USH2A: variants seen among roughly 807,000 people sequenced by gnomAD.
USH2A encodes the protein usherin.
In USH2A, 443 loss-of-function variants were observed where a neutral mutation model predicts 538.9. That is an observed-to-expected ratio of 0.82 (90% CI 0.76 to 0.89). The LOEUF (loss-of-function observed/expected upper bound fraction) is 0.89, where lower values mean the gene tolerates loss of function less well. Ranked by LOEUF, USH2A falls within the 40% of genes least tolerant of loss-of-function variation. The pLI is 0.00. For missense variants in USH2A, 6,633 were observed against 6,324.8 expected, an observed-to-expected ratio of 1.05 and a Z score of -1.65; for synonymous variants, 2,413 against 2,273.5, an observed-to-expected ratio of 1.06 and a Z score of -1.75.
chr1:215,675,603 A>T lies in USH2A; in HGVS notation c.12308T>A (p.Phe4103Tyr). ...AGAGTACTCCAGGAACCCGTCACTG[A>T]AGATGTTGTATGTCTACAGAAGGAC... ...TNGVIKTYNI[F>Y]SDGFLEYSGL... Residue 4103 changes from phenylalanine (F) to tyrosine (Y), a missense_variant, in exon 63 of 72, where the codon TTC becomes TAC. By Grantham distance (22) the Phe-to-Tyr change is conservative. Coordinates refer to ENST00000307340, the MANE Select transcript of USH2A (RefSeq NM_206933.4). 6.2e-7 allele frequency: 1 copy of T among 1,614,164 alleles called. No individual in the cohort carries two copies. The highest frequency in any genetic ancestry group is 8.5e-7 in the Non-Finnish European group (1 of 1,180,018).
At chr1:215,817,465 G>A (rs1447342001) in intron 47 of USH2A, among the ~76,000 whole-genome samples, 11 of 151,834 alleles carry the variant, frequency 7.2e-5, no homozygotes, top group Non-Finnish European at 1.2e-4. Flanking sequence ...CATTTTGTTT[G>A]GTAAGCAAAG....
At position 215,970,658 on chromosome 1, in the gene USH2A, T is replaced by C. The variant is rs148504065; in HGVS notation, c.6924A>G (p.Ala2308=). Residue 2308 remains alanine (A), a synonymous_variant, in exon 36 of 72, where the codon GCA becomes GCG. Coordinates refer to ENST00000307340, the MANE Select transcript of USH2A (RefSeq NM_206933.4). Reference sequence around the variant, plus strand: ...CCAGAGCACAACCTTTGGCCGTGCATGCTTGGACTCTGAAGGAATGTAAAC... The same window carrying C: ...CCAGAGCACAACCTTTGGCCGTGCACGCTTGGACTCTGAAGGAATGTAAAC... ...PWSLHSFRVQ[A]CTAKGCALGP... 166 of 1,613,682 alleles carry C rather than the reference T, an allele frequency of 1.0e-4. 3 individuals carry two copies. The Admixed American group carries it at 1.4e-3, about 13-fold the overall frequency.
intron 19 of USH2A, among the ~76,000 whole-genome samples, chr1:216,191,546 C>T (rs1029763929): frequency 8.6e-5 from 13 of 151,876 alleles, no homozygotes; most frequent in African/African-American, 2.9e-4. Flanking sequence ...CTTGCAATTA[C>T]ATTTTGAAAT....
In USH2A at chr1:215,779,823, C is replaced by CGT. The variant is rs1553261079; in HGVS notation, c.10939+19_10939+20insAC. On this transcript the variant is annotated intron_variant, in intron 55 of 71. Coordinates refer to ENST00000307340, the MANE Select transcript of USH2A (RefSeq NM_206933.4). ...TGACAGACTCCTCCAGTAGGATTTC[C>CGT]TTTTTTTTTGTTTTCTCACCTGTGA... The CGT allele has an allele frequency of 1.9e-5, 31 of 1,601,722 alleles. No individual in the cohort carries two copies. Among genetic ancestry groups the CGT allele is most frequent in the Non-Finnish European group, 2.6e-5 (31 of 1,171,986 alleles).
intron 32 of USH2A, among the ~76,000 whole-genome samples, chr1:216,043,213 T>G (rs2102521988): frequency 6.6e-6 from 1 of 152,216 alleles, no homozygotes; most frequent in South Asian, 2.1e-4. Flanking sequence ...TTCCTCTGAT[T>G]ACTGACTAGA....
chr1:215,648,684 G>C lies in USH2A; in HGVS notation c.14426C>G (p.Thr4809Ser). The C allele has an allele frequency of 2.5e-6, 4 of 1,614,216 alleles. No homozygotes were observed. The highest frequency in any genetic ancestry group is 3.4e-6 in the Non-Finnish European group (4 of 1,180,036). ...TCCTTTGCTGCAACAGTTGAAGCAGGTGCAGGCCTCTACTCCAATAGAGTA... is the reference window on the plus strand; with the variant it reads ...TCCTTTGCTGCAACAGTTGAAGCAGCTGCAGGCCTCTACTCCAATAGAGTA... ...TNYSIGVEAC[T>S]CFNCCSKGPT... is the part of the protein sequence containing the mutation. The change falls in exon 66 of 72, where the codon ACC becomes AGC. Residue 4809 changes from threonine to serine, a missense_variant. Transcript: ENST00000307340.
rs114863633 is a variant in USH2A at position 215,652,506 on chromosome 1, G to A, written c.14134-1705C>T. ...GGGAAGTAAGGAGCTAGCAATGGGA[G>A]AGCCAGATTTCATGGAAGTTAGAGT... On this transcript the variant is annotated intron_variant, in intron 64 of 71. Transcript: ENST00000307340. Among the ~76,000 whole-genome samples, 685 of 152,308 alleles carry A rather than the reference G, an allele frequency of 4.5e-3. 3 individuals carry two copies. The highest frequency in any genetic ancestry group is 0.016 in the African/African-American group (653 of 41,562).
chr1:216,231,873 A>T (rs1278413685), intron 14 of USH2A, 80 bp downstream of exon 14: 1 of 1,565,620 alleles, frequency 6.4e-7, no homozygotes, highest in African/African-American at 1.4e-5. Flanking sequence ...TTTTTACAGA[A>T]GTTATTGCTT....
chr1:215,657,759 G>A (rs1423705706), intron 64 of USH2A, among the ~76,000 whole-genome samples: 1 of 152,076 alleles, frequency 6.6e-6, no homozygotes. Context: ...TGAAGCTACT[G>A]GAAAAATAAC....
chr1:215,868,240 G>A (rs1357971806), intron 43 of USH2A, among the ~76,000 whole-genome samples: 1 of 152,158 alleles, frequency 6.6e-6, no homozygotes. Context: ...CCATTTGCAG[G>A]ATTGTGTTAA....
intron 30 of USH2A, among the ~76,000 whole-genome samples, chr1:216,061,281 T>G (rs1331931273): frequency 1.3e-5 from 2 of 152,240 alleles, no homozygotes; most frequent in African/African-American, 4.8e-5. Context: ...TTTTCTTTGC[T>G]TTTACCTTCT....
intron 9 of USH2A, among the ~76,000 whole-genome samples, chr1:216,320,760 T>G (rs1164900027): frequency 6.6e-6 from 1 of 152,190 alleles, no homozygotes; most frequent in African/African-American, 2.4e-5. Context: ...TTTGCTCATT[T>G]TTATCAGACT....
At chr1:215,877,252 C>CT (rs1664795156) in intron 43 of USH2A, among the ~76,000 whole-genome samples, 1 of 152,182 alleles carries the variant, frequency 6.6e-6, no homozygotes, top group Non-Finnish European at 1.5e-5. Context: ...CTACTGTCAC[C>CT]TATTAGCCTT....
At chr1:216,229,214 T>C (rs2035626853) in intron 14 of USH2A, among the ~76,000 whole-genome samples, 1 of 152,056 alleles carries the variant, frequency 6.6e-6, no homozygotes, top group African/African-American at 2.4e-5. Context: ...CATTCATATT[T>C]TTAGAAATCT....
chr1:216,330,760 A>G (rs2037844619), intron 4 of USH2A, among the ~76,000 whole-genome samples: 1 of 152,068 alleles, frequency 6.6e-6, no homozygotes, highest in African/African-American at 2.4e-5. Flanking sequence ...ATTATTCAAA[A>G]GTTCTGAGAC....
At chr1:216,399,761 G>A (rs1017494747) in intron 3 of USH2A, among the ~76,000 whole-genome samples, 4 of 152,182 alleles carry the variant, frequency 2.6e-5, no homozygotes, top group East Asian at 1.9e-4. Flanking sequence ...AGCAATAGGC[G>A]GCCCGCTTTC....
At chr1:216,309,459 T>G (rs892319291) in intron 9 of USH2A, among the ~76,000 whole-genome samples, 4 of 152,198 alleles carry the variant, frequency 2.6e-5, no homozygotes, top group Non-Finnish European at 4.4e-5. Flanking sequence ...TCAGCACATT[T>G]AGATTTGTTG....
At chr1:215,783,113 T>C (rs570925091) in intron 52 of USH2A, among the ~76,000 whole-genome samples, 178 bp from the exon 53 acceptor site, 1 of 152,248 alleles carries the variant, frequency 6.6e-6, no homozygotes, top group Admixed American at 6.5e-5. Flanking sequence ...ACATTTAAAG[T>C]ATTTATTAGA....
At chr1:216,126,988 G>A (rs894364522) in intron 21 of USH2A, among the ~76,000 whole-genome samples, 1 of 152,186 alleles carries the variant, frequency 6.6e-6, no homozygotes, top group African/African-American at 2.4e-5. Context: ...CTATGCCAAT[G>A]TTTACAAATA....
Sources: gnomAD v4.1 joint callset for allele counts (sites outside exome capture counted in the v4.1 genomes callset) on GRCh38, gnomAD v4.1.1 for gene constraint, MANE v1.5 for transcripts, NCBI Gene and HGNC (gene_info 2026-07-23, HGNC 2026-07-21) for gene names.